Variants in WHRN observed in about 807,000 individuals in gnomAD.
WHRN encodes the protein whirlin, also known as CASK-interacting protein CIP98.
In WHRN, 41 loss-of-function variants were observed where a neutral mutation model predicts 68.3. The observed-to-expected ratio is 0.60, with a 90% CI of 0.47 to 0.78. The LOEUF is 0.78. Ranked by LOEUF, WHRN falls within the 30% of genes least tolerant of loss-of-function variation. The pLI is 0.00. For synonymous variants in WHRN, 560 were observed against 561.3 expected (o/e 1.00, Z 0.03); for missense variants, 1,243 against 1,244.7 (o/e 1.00, Z 0.02).
intron 1 of WHRN, among the ~76,000 whole-genome samples, chr9:114,495,579 C>G (rs780281795): frequency 6.6e-6 from 1 of 152,182 alleles, no homozygotes; most frequent in Non-Finnish European, 1.5e-5. Flanking sequence ...TAAAAGGAGG[C>G]ACAGATCCTG....
rs1176439160 is a variant in WHRN at position 114,444,522 on chromosome 9, A to AG, written c.964-18110dup. On this transcript the variant is annotated intron_variant, in intron 3 of 11. Transcript: ENST00000362057. Reference sequence around the variant, plus strand: ...TAGTACAAATAGTCAAACAGTAAAAAGGGGGGTATATACAAACTGTAAAAA... The same window carrying AG: ...TAGTACAAATAGTCAAACAGTAAAAAGGGGGGGTATATACAAACTGTAAAAA... Among the ~76,000 whole-genome samples, 4 of 152,198 alleles carry AG rather than the reference A, an allele frequency of 2.6e-5. No homozygotes were observed. In the South Asian group the frequency reaches 8.3e-4, roughly 32 times the overall value.
chr9:114,407,918 C>T (rs765097597), intron 8 of WHRN, 29 bp downstream of exon 8: 5 of 1,576,446 alleles, frequency 3.2e-6, no homozygotes, highest in Non-Finnish European at 4.3e-6. Context: ...CCAGGGAGAG[C>T]AGAACCAAAG....
intron 7 of WHRN, among the ~76,000 whole-genome samples, chr9:114,422,646 T>C (rs10817609): frequency 0.21 from 31,810 of 151,986 alleles, 3,839 homozygotes; most frequent in East Asian, 0.36. Context: ...CCAGCCTGGC[T>C]AACATGGCAA....
rs557734321 is a variant in WHRN, at chr9:114,463,601, G to A, written c.963+2666C>T. 1.4e-4 allele frequency among the ~76,000 whole-genome samples: 22 copies of A among 152,184 alleles called. No homozygotes were observed. In the South Asian group the frequency reaches 3.3e-3, roughly 23 times the overall value. On this transcript the variant is annotated intron_variant, in intron 3 of 11. Transcript: ENST00000362057. Reference sequence around the variant, plus strand: ...TTCTCGGTCTTGACAAATATACCACGGTTATACATGATGTCAACACTAGAG... The same window carrying A: ...TTCTCGGTCTTGACAAATATACCACAGTTATACATGATGTCAACACTAGAG...
At chr9:114,470,347 A>G (rs1319382463) in intron 2 of WHRN, among the ~76,000 whole-genome samples, 1 of 152,040 alleles carries the variant, frequency 6.6e-6, no homozygotes, top group Non-Finnish European at 1.5e-5. Context: ...AAGCCCACAC[A>G]CAGGACAGCG....
intron 3 of WHRN, among the ~76,000 whole-genome samples, chr9:114,436,338 C>T (rs1415423582): frequency 6.6e-6 from 1 of 152,046 alleles, no homozygotes; most frequent in Non-Finnish European, 1.5e-5. Flanking sequence ...AACTGTGAAC[C>T]CTTATATAAA....
intron 1 of WHRN, chr9:114,503,250 A>G (rs1222641370): frequency 2.1e-6 from 2 of 945,962 alleles, no homozygotes; most frequent in African/African-American, 3.6e-5. Flanking sequence ...GAACAGTCCA[A>G]CCCCCTGAGA....
At chr9:114,504,102 G>A (rs1844173656) in intron 1 of WHRN, 82 bp downstream of exon 1, 3 of 1,597,702 alleles carry the variant, frequency 1.9e-6, no homozygotes, top group Non-Finnish European at 2.6e-6. Context: ...TTCATCTAAG[G>A]ACACACAGCA....
intron 1 of WHRN, among the ~76,000 whole-genome samples, chr9:114,500,639 T>C (rs936675977): frequency 2.0e-5 from 3 of 152,238 alleles, no homozygotes; most frequent in African/African-American, 2.4e-5. Flanking sequence ...CACACATATA[T>C]GCACATATCC....
chr9:114,453,413 G>A (rs1839505617), intron 3 of WHRN, among the ~76,000 whole-genome samples: 1 of 152,166 alleles, frequency 6.6e-6, no homozygotes, highest in East Asian at 1.9e-4. Context: ...ATTTCAACAT[G>A]AGATTCGGAG....
chr9:114,444,554 C>T (rs1363165854), intron 3 of WHRN, among the ~76,000 whole-genome samples: 2 of 151,994 alleles, frequency 1.3e-5, no homozygotes, highest in Non-Finnish European at 2.9e-5. Context: ...AAAATCTCCC[C>T]TCCGAAACCC....
At chr9:114,457,218 AG>A (rs1468279803) in intron 3 of WHRN, among the ~76,000 whole-genome samples, 1 of 152,220 alleles carries the variant, frequency 6.6e-6, no homozygotes, top group Non-Finnish European at 1.5e-5. Context: ...TTCAAATAAA[AG>A]GAACCAGTGC....
At position 114,424,254 on chromosome 9, in the gene WHRN, C is replaced by G. The variant is rs1307967458; in HGVS notation, c.1416+80G>C. 3 of 1,537,782 alleles carry G rather than the reference C, an allele frequency of 2.0e-6. No homozygotes were observed. The African/African-American group carries it at 4.1e-5, about 21-fold the overall frequency. On this transcript the variant is annotated intron_variant, in intron 6 of 11. Transcript: ENST00000362057. ...GTTCAGGCCTGACCCCTTGTAGGTT[C>G]TCAGCAAAGGAGCGGGGGCAGGGCA...
At chr9:114,472,392 C>T (rs1320943584) in intron 2 of WHRN, among the ~76,000 whole-genome samples, 1 of 152,240 alleles carries the variant, frequency 6.6e-6, no homozygotes, top group Non-Finnish European at 1.5e-5. Context: ...CTGCCTGAGG[C>T]CTCCAGCCAC....
intron 3 of WHRN, among the ~76,000 whole-genome samples, chr9:114,456,316 G>T (rs1000983070): frequency 6.6e-6 from 1 of 152,140 alleles, no homozygotes; most frequent in Non-Finnish European, 1.5e-5. Flanking sequence ...CACGTGTCGG[G>T]CACAGGGAGG....
chr9:114,469,123 G>A (rs528657913), intron 2 of WHRN, among the ~76,000 whole-genome samples: 3 of 152,162 alleles, frequency 2.0e-5, no homozygotes, highest in Admixed American at 6.5e-5. Context: ...GCGTAGGGTC[G>A]TGGCTGGCAC....
In WHRN at chr9:114,406,793, T is replaced by C. The variant is rs1564117030; in HGVS notation, c.1798A>G (p.Arg600Gly). The C allele has an allele frequency of 6.2e-7, 1 of 1,613,576 alleles. No homozygotes were observed. Among genetic ancestry groups the C allele is most frequent in the South Asian group, 1.1e-5 (1 of 90,992 alleles). ...QGNDLPLGQPRKLGREDLQPP... is the reference protein window; with the variant it reads ...QGNDLPLGQPGKLGREDLQPP... ...TGGAGGTCCTCTCTCCCCAGCTTCC[T>C]TGGCTGGCCTAGTGGGAGGTCGTTG... Residue 600 changes from arginine (R) to glycine (G), a missense_variant, in exon 9 of 12, where the codon AGG becomes GGG. Coordinates refer to ENST00000362057, the MANE Select transcript of WHRN (RefSeq NM_015404.4).
intron 1 of WHRN, among the ~76,000 whole-genome samples, chr9:114,496,179 T>C (rs1051229874): frequency 6.6e-6 from 1 of 152,082 alleles, no homozygotes; most frequent in South Asian, 2.1e-4. Context: ...TCAGGGAAGG[T>C]TGCTGGGAAA....
intron 3 of WHRN, among the ~76,000 whole-genome samples, chr9:114,441,252 C>A (rs1373924663): frequency 6.6e-6 from 1 of 151,590 alleles, no homozygotes; most frequent in Non-Finnish European, 1.5e-5. Flanking sequence ...AGTAGGCTAT[C>A]AATAGTTAAG....
Sources: allele counts gnomAD v4.1 joint callset (sites outside exome capture counted in the v4.1 genomes callset), GRCh38; gene constraint gnomAD v4.1.1; transcripts MANE v1.5; gene names NCBI Gene and HGNC (gene_info 2026-07-23, HGNC 2026-07-21).